Variants in MTUS2 observed in about 807,000 individuals in gnomAD.
The protein encoded by MTUS2 is microtubule-associated tumor suppressor candidate 2.
Under a neutral mutation model 114.1 loss-of-function variants are expected in MTUS2, and 40 were observed. That is an observed-to-expected ratio of 0.35 (90% CI 0.27 to 0.46). MTUS2 has a LOEUF of 0.46. Among genes scored for constraint, MTUS2 ranks in the 20% least tolerant of loss-of-function variants. The pLI is 1.00. For missense variants in MTUS2, 1,679 were observed against 1,705.4 expected (o/e 0.98, Z 0.27); for synonymous variants, 688 against 672.0 (o/e 1.02, Z -0.37).
intron 8 of MTUS2, among the ~76,000 whole-genome samples, chr13:29,416,060 C>T (rs1205548822): frequency 6.6e-6 from 1 of 150,824 alleles, no homozygotes; most frequent in Non-Finnish European, 1.5e-5. Context: ...GGATTACAGG[C>T]ACTCACCGCC....
intron 5 of MTUS2, among the ~76,000 whole-genome samples, chr13:29,211,315 C>A (rs1487791748): frequency 1.3e-5 from 2 of 152,270 alleles, no homozygotes; most frequent in Non-Finnish European, 2.9e-5. Flanking sequence ...AGTCTCACTC[C>A]CACCATGTCC....
chr13:28,996,885 G>A (rs796263511), intron 2 of MTUS2, among the ~76,000 whole-genome samples: 1 of 152,170 alleles, frequency 6.6e-6, no homozygotes, highest in East Asian at 1.9e-4. Flanking sequence ...AGGGATTTTT[G>A]TGTCTCTATT....
chr13:29,311,839 C>T (rs9550459), intron 6 of MTUS2, among the ~76,000 whole-genome samples: 11,788 of 152,176 alleles, frequency 0.077, 781 homozygotes, highest in East Asian at 0.36. Context: ...CTTATTTAGC[C>T]TCCAGTTGGA....
At chr13:29,309,289 A>G (rs559247528) in intron 6 of MTUS2, among the ~76,000 whole-genome samples, 1 of 152,310 alleles carries the variant, frequency 6.6e-6, no homozygotes, top group Non-Finnish European at 1.5e-5. Flanking sequence ...AGGGACACAG[A>G]TGGAGTTGGA....
At position 29,504,852 on chromosome 13, in the gene MTUS2, C is replaced by T. The variant is rs370528351; in HGVS notation, c.*1646C>T. On this transcript the variant is annotated 3_prime_UTR_variant, in exon 16 of 16. Transcript: ENST00000612955. ...AACCATGAGGGGGTCCTGCAGGGGC[C>T]GGAGCCATGGAACGGGGAAGAAAAC... The T allele has an allele frequency of 1.4e-4, 32 of 232,670 alleles. No individual in the cohort carries two copies. Among genetic ancestry groups the T allele is most frequent in the Middle Eastern group, 2.5e-3 (2 of 786 alleles). 14.4% of individuals were successfully genotyped at this position (232,670 alleles called of 1,614,324 possible). A position where few individuals can be genotyped will look rare whatever the true frequency, so the allele number is the denominator to read the frequency against.
intron 2 of MTUS2, among the ~76,000 whole-genome samples, chr13:28,965,684 C>G (rs767176759): frequency 6.6e-6 from 1 of 152,198 alleles, no homozygotes; most frequent in Middle Eastern, 3.4e-3. Context: ...TAGGAACTAG[C>G]AAGTTCAAAA....
In MTUS2 at chr13:28,907,567, G is replaced by A. The variant is rs1208902388; in HGVS notation, c.-243+67717G>A. On this transcript the variant is annotated intron_variant, in intron 2 of 15. Transcript: ENST00000612955. ...AAAGGGATGGAGGAAGATCTGCCAAGCAAATGGAAAACAAAAAAAGGCAGG... is the reference window on the plus strand; with the variant it reads ...AAAGGGATGGAGGAAGATCTGCCAAACAAATGGAAAACAAAAAAAGGCAGG... Among the ~76,000 whole-genome samples the A allele has an allele frequency of 3.3e-5, 5 of 151,260 alleles. 1 individual carries two copies. The highest frequency in any genetic ancestry group is 9.8e-5 in the African/African-American group (4 of 40,930).
chr13:29,233,057 C>T (rs193017666), intron 5 of MTUS2, among the ~76,000 whole-genome samples: 27 of 152,214 alleles, frequency 1.8e-4, no homozygotes, highest in African/African-American at 6.3e-4. Flanking sequence ...CATGTGAAAG[C>T]AGAGTTAGTA....
chr13:29,212,215 T>C (rs1895470990), intron 5 of MTUS2, among the ~76,000 whole-genome samples: 1 of 152,222 alleles, frequency 6.6e-6, no homozygotes, highest in Non-Finnish European at 1.5e-5. Context: ...TATTTGGAAG[T>C]GTATTGTTTA....
intron 2 of MTUS2, among the ~76,000 whole-genome samples, chr13:28,901,916 G>A (rs1290314235): frequency 6.6e-6 from 1 of 152,082 alleles, no homozygotes; most frequent in Non-Finnish European, 1.5e-5. Context: ...GATGGTAATT[G>A]CATTAGATTA....
At chr13:29,068,182 C>A (rs1461877262) in intron 4 of MTUS2, among the ~76,000 whole-genome samples, 1 of 152,122 alleles carries the variant, frequency 6.6e-6, no homozygotes, top group Non-Finnish European at 1.5e-5. Context: ...TGCAAAAGAA[C>A]CATTCAATTT....
intron 9 of MTUS2, among the ~76,000 whole-genome samples, chr13:29,449,580 C>A (rs897697400): frequency 6.6e-6 from 1 of 152,046 alleles, no homozygotes; most frequent in African/African-American, 2.4e-5. Context: ...TAACAGCGTA[C>A]AGCTGGTGTG....
intron 5 of MTUS2, among the ~76,000 whole-genome samples, chr13:29,160,536 C>T (rs1026941194): frequency 7.9e-5 from 12 of 152,172 alleles, no homozygotes; most frequent in Middle Eastern, 3.4e-3. Context: ...TTTGGGAGGC[C>T]GAGGCCGGCA....
chr13:29,336,879 G>A lies in MTUS2; in HGVS notation c.2905+12168G>A, dbSNP rs903708573. Among the ~76,000 whole-genome samples the A allele has an allele frequency of 2.8e-4, 43 of 152,202 alleles. 1 individual carries two copies. The highest frequency in any genetic ancestry group is 1.0e-3 in the African/African-American group (42 of 41,450). On this transcript the variant is annotated intron_variant, in intron 7 of 15. Transcript: ENST00000612955. ...TCTAGAGAGGCAGTCTGGCTACAGC[G>A]GCTTTGCAGCACTGAGGTGGGCTCT...
chr13:29,405,290 T>C (rs1874667382), intron 8 of MTUS2, among the ~76,000 whole-genome samples: 1 of 152,232 alleles, frequency 6.6e-6, no homozygotes, highest in Non-Finnish European at 1.5e-5. Flanking sequence ...ATTTGCTTCT[T>C]AATTAAATCA....
At chr13:29,081,491 G>C (rs921765565) in intron 4 of MTUS2, among the ~76,000 whole-genome samples, 1 of 152,010 alleles carries the variant, frequency 6.6e-6, no homozygotes, top group Non-Finnish European at 1.5e-5. Flanking sequence ...TGAATCCCTT[G>C]TTCAAGAGCC....
chr13:29,381,303 A>G (rs1247364361), intron 8 of MTUS2, among the ~76,000 whole-genome samples: 2 of 152,192 alleles, frequency 1.3e-5, no homozygotes, highest in African/African-American at 4.8e-5. Context: ...AAAATGCCCA[A>G]AATTCCCAAC....
At chr13:29,261,489 A>G (rs1309268176) in intron 5 of MTUS2, among the ~76,000 whole-genome samples, 1 of 152,228 alleles carries the variant, frequency 6.6e-6, no homozygotes, top group Admixed American at 6.5e-5. Flanking sequence ...GTAATAATCC[A>G]CAAGTCCCTC....
At chr13:28,939,605 G>A (rs1294891729) in intron 2 of MTUS2, among the ~76,000 whole-genome samples, 2 of 151,982 alleles carry the variant, frequency 1.3e-5, no homozygotes, top group East Asian at 3.9e-4. Context: ...ATTAGTTATT[G>A]GTTCAGGATC....
Sources: gnomAD v4.1 joint callset for allele counts (sites outside exome capture counted in the v4.1 genomes callset) on GRCh38, gnomAD v4.1.1 for gene constraint, MANE v1.5 for transcripts, NCBI Gene and HGNC (gene_info 2026-07-23, HGNC 2026-07-21) for gene names.